Variants in TTC6 observed in about 807,000 individuals in gnomAD.
The protein encoded by TTC6 is tetratricopeptide repeat domain 6, also known as tetratricopeptide repeat protein 6.
A neutral mutation model predicts 210.4 loss-of-function variants in TTC6; 172 were observed. The observed-to-expected ratio is 0.82, with a 90% CI of 0.72 to 0.93. The LOEUF is 0.93. Ranked by LOEUF, TTC6 falls within the 40% of genes least tolerant of loss-of-function variation. The pLI is 0.00. For synonymous variants in TTC6, 804 were observed against 819.6 expected (o/e 0.98, Z 0.32); for missense variants, 2,414 against 2,318.1 (o/e 1.04, Z -0.85).
upstream of TTC6, among the ~76,000 whole-genome samples, chr14:37,619,387 T>A (rs1385475791): frequency 6.6e-6 from 1 of 152,198 alleles, no homozygotes; most frequent in African/African-American, 2.4e-5. Context: ...GATAAATGAA[T>A]AATTACAATT....
At chr14:37,745,511 A>G (rs1008200403) in intron 10 of TTC6, among the ~76,000 whole-genome samples, 3 of 152,134 alleles carry the variant, frequency 2.0e-5, no homozygotes, top group Admixed American at 1.3e-4. Flanking sequence ...TACTACCATT[A>G]TCTTCCTCAG....
chr14:37,768,722 A>G (rs2096007436), intron 14 of TTC6, among the ~76,000 whole-genome samples: 1 of 152,110 alleles, frequency 6.6e-6, no homozygotes, highest in South Asian at 2.1e-4. Context: ...GGGGTTTTCT[A>G]GATATACAAT....
intron 14 of TTC6, among the ~76,000 whole-genome samples, chr14:37,777,085 C>G (rs1219542199): frequency 6.6e-6 from 1 of 151,940 alleles, no homozygotes; most frequent in Non-Finnish European, 1.5e-5. Context: ...TGGGGATGGT[C>G]TTTTTATGTA....
In TTC6 at chr14:37,598,717, T is replaced by C. The variant is rs1012321338; in HGVS notation, c.-235+2709T>C. On this transcript the variant is annotated intron_variant, in intron 1 of 2. Coordinates refer to the TTC6 transcript ENST00000556845. This position sits in a 1 kb window ranked among gnomAD's most constrained non-coding sequence, Gnocchi z 4.9. ...CCTCTCGCGGCGACAGGGTCCTTCC[T>C]ATTTAGCAGGACCGCAGGGTTGGCA... Among the ~76,000 whole-genome samples, 8 of 152,110 alleles carry C rather than the reference T, an allele frequency of 5.3e-5. No individual in the cohort carries two copies. Among genetic ancestry groups the C allele is most frequent in the African/African-American group, 1.9e-4 (8 of 41,438 alleles).
intron 6 of TTC6, among the ~76,000 whole-genome samples, chr14:37,722,844 G>T (rs917181615): frequency 4.6e-5 from 7 of 152,154 alleles, no homozygotes; most frequent in Middle Eastern, 3.4e-3. Flanking sequence ...ATATTATTCA[G>T]AAGAAAGTCA....
At chr14:37,740,142 G>A (rs1009840841) in intron 10 of TTC6, among the ~76,000 whole-genome samples, 2 of 137,512 alleles carry the variant, frequency 1.5e-5, no homozygotes, top group Admixed American at 8.0e-5. Flanking sequence ...CAGCCTGGGC[G>A]ACAGAGCGAG....
chr14:37,760,435 G>A (rs914584093), intron 14 of TTC6, among the ~76,000 whole-genome samples: 14 of 152,118 alleles, frequency 9.2e-5, no homozygotes, highest in African/African-American at 3.1e-4. Flanking sequence ...GGTGTCTGTC[G>A]ACCCCTGTTG....
At chr14:37,760,522 A>C (rs2095981051) in intron 14 of TTC6, among the ~76,000 whole-genome samples, 1 of 152,182 alleles carries the variant, frequency 6.6e-6, no homozygotes, top group South Asian at 2.1e-4. Flanking sequence ...GCAGAGCTCA[A>C]GTGCTGTGCT....
At chr14:37,806,378 A>G (rs2096118600) in exon 22 of TTC6, 8 of 1,535,430 alleles carry the variant, frequency 5.2e-6, no homozygotes, top group Non-Finnish European at 7.0e-6. Flanking sequence ...ATTCTTTTAC[A>G]AAAGCTGTGA....
intron 3 of TTC6, among the ~76,000 whole-genome samples, chr14:37,689,073 G>A (rs2095798947): frequency 6.6e-6 from 1 of 152,004 alleles, no homozygotes; most frequent in Non-Finnish European, 1.5e-5. Context: ...AGATAACACA[G>A]AGAATCAATT....
At position 37,808,898 on chromosome 14, in the gene TTC6, A is replaced by G. The variant is rs745854717; in HGVS notation, c.4569+52A>G. The G allele has an allele frequency of 8.1e-6, 7 of 868,762 alleles. No homozygotes were observed. The East Asian group carries it at 8.3e-5, about 10-fold the overall frequency. 53.8% of individuals were successfully genotyped at this position (868,762 alleles called of 1,614,324 possible). On this transcript the variant is annotated intron_variant, in intron 24 of 30. Transcript: ENST00000553443. The stretch of plus-strand genomic sequence containing the variant: ...GTGTTTAAAGTGTTTAATAAATAAC[A>G]TGCATTTAATAGCTTGTGGATTTCA...
At chr14:37,774,719 A>G (rs1038691415) in intron 14 of TTC6, among the ~76,000 whole-genome samples, 2 of 152,136 alleles carry the variant, frequency 1.3e-5, no homozygotes, top group Non-Finnish European at 2.9e-5. Context: ...TGTCTCTCAC[A>G]GGTTTTGACA....
intron 6 of TTC6, among the ~76,000 whole-genome samples, chr14:37,715,849 G>C (rs1457188233): frequency 6.6e-6 from 1 of 152,132 alleles, no homozygotes; most frequent in Admixed American, 6.6e-5. Context: ...GCTAGGAAAA[G>C]TTCTCTAAAT....
chr14:37,727,586 C>T (rs546770919), intron 7 of TTC6, among the ~76,000 whole-genome samples: 2 of 152,018 alleles, frequency 1.3e-5, no homozygotes, highest in South Asian at 2.1e-4. Context: ...AGCCACCACG[C>T]CCAGACTCTA....
At chr14:37,823,764 A>C in exon 27 of TTC6, 1 of 1,613,846 alleles carries the variant, frequency 6.2e-7, no homozygotes, top group Non-Finnish European at 8.5e-7. Flanking sequence ...GAGTTTGAAG[A>C]AGCTGTCAAT....
chr14:37,775,902 G>A (rs1457899870), intron 14 of TTC6, among the ~76,000 whole-genome samples: 1 of 151,964 alleles, frequency 6.6e-6, no homozygotes, highest in East Asian at 1.9e-4. Context: ...ATGTTTGTTG[G>A]TTTAAAGTCT....
intron 1 of TTC6, among the ~76,000 whole-genome samples, chr14:37,674,397 TATG>T (rs1012992512): frequency 2.0e-5 from 3 of 152,136 alleles, no homozygotes; most frequent in Admixed American, 1.3e-4. Flanking sequence ...AATGTCAAAT[TATG>T]ATGGTACCAA....
At chr14:37,626,172 TGGCA>T (rs1467310539) in intron 1 of TTC6, among the ~76,000 whole-genome samples, 2 of 151,906 alleles carry the variant, frequency 1.3e-5, no homozygotes, top group Non-Finnish European at 2.9e-5. Flanking sequence ...GCATATACCA[TGGCA>T]GGAGAAGTAG....
intron 3 of TTC6, among the ~76,000 whole-genome samples, chr14:37,694,112 C>G (rs185739221): frequency 6.6e-6 from 1 of 152,110 alleles, no homozygotes; most frequent in East Asian, 1.9e-4. Flanking sequence ...CAAATGGGTT[C>G]ATGTCAAGTT....
Sources: allele counts gnomAD v4.1 joint callset (sites outside exome capture counted in the v4.1 genomes callset), GRCh38; gene constraint gnomAD v4.1.1; non-coding constraint Gnocchi (gnomAD v3.1); transcripts MANE v1.5; gene names NCBI Gene and HGNC (gene_info 2026-07-23, HGNC 2026-07-21).